Variants in DBT observed in about 807,000 individuals in gnomAD.
DBT encodes lipoamide acyltransferase component of branched-chain alpha-keto acid dehydrogenase complex, mitochondrial.
DBT carries 40 observed loss-of-function variants against 51.3 expected under a neutral mutation model. The ratio of observed to expected loss-of-function variants is 0.78; its 90% CI spans 0.61 to 1.02. The LOEUF (loss-of-function observed/expected upper bound fraction) is 1.02, where lower values mean the gene tolerates loss of function less well. DBT is among the 50% of genes least tolerant of loss of function. The pLI, the probability that DBT is intolerant of heterozygous loss-of-function variation, is 0.00. For synonymous variants in DBT, 181 were observed against 190.4 expected (o/e 0.95, Z 0.41); for missense variants, 510 against 580.2 (o/e 0.88, Z 1.24).
chr1:100,218,799 A>T, intron 4 of DBT, 52 bp from the exon 5 acceptor site: 2 of 1,289,660 alleles, frequency 1.6e-6, no homozygotes, highest in Non-Finnish European at 2.2e-6. Context: ...TTTTTTTTTT[A>T]CTAAGATGTA....
rs1184322880 is a variant in DBT, at chr1:100,214,865, A to C, written c.891T>G (p.Ile297Met). 2 of 1,614,076 alleles carry C rather than the reference A, an allele frequency of 1.2e-6. No individual in the cohort carries two copies. Among genetic ancestry groups the C allele is most frequent in the East Asian group, 2.2e-5 (1 of 44,896 alleles). The change falls in exon 7 of 11, where the codon ATT becomes ATG. Residue 297 changes from isoleucine to methionine, a missense_variant. Physicochemically the swap from Ile to Met is conservative, Grantham distance 10 (BLOSUM62 1). Transcript: ENST00000370132. ...LVKLREELKP[I>M]AFARGIKLSF... is the part of the protein sequence containing the mutation. ...AGAGTTTAATTCCACGAGCAAATGC[A>C]ATGGGTTTTAATTCTTCTCGGAGCT... is the stretch of plus-strand genomic sequence containing the variant.
In DBT at chr1:100,206,309, T is replaced by TA. The variant is rs201755806; in HGVS notation, c.1210-9_1210-8insT. 0.017 allele frequency: 24,086 copies of TA among 1,394,356 alleles called. 11 individuals carry two copies. The highest frequency in any genetic ancestry group is 0.02 in the Non-Finnish European group (19,924 of 1,006,322). 86.4% of individuals were successfully genotyped at this position (1,394,356 alleles called of 1,614,324 possible). ...GGCAAAGGTACCACCAATCTATTTT[T>TA]TAAAAAAAAAAAAAGGAGAGTATTA... On this transcript the variant is annotated splice_polypyrimidine_tract_variant and intron_variant, in intron 9 of 10. Transcript: ENST00000370132.
chr1:100,245,825 GC>G (rs1302964967), intron 1 of DBT, among the ~76,000 whole-genome samples: 8 of 152,234 alleles, frequency 5.3e-5, no homozygotes, highest in African/African-American at 1.9e-4. Flanking sequence ...GGTGGTGAAT[GC>G]CTGTAGTCCC....
In DBT at chr1:100,194,845, CCT is replaced by C. The variant is rs1358571416; in HGVS notation, c.*1408_*1409del. ...AAAAACCAAGTAGATATTAAAACAA[CCT>C]TTTTTCTGTCACAAAACTTCACTTA... On this transcript the variant is annotated 3_prime_UTR_variant, in exon 11 of 11. Transcript: ENST00000370132. 1 of 152,158 alleles carries C rather than the reference CCT, an allele frequency of 6.6e-6. No homozygotes were observed. The highest frequency in any genetic ancestry group is 2.4e-5 in the African/African-American group (1 of 41,448). The allele number at this position is 152,158 out of a possible 1,614,324, so 9.4% of individuals were successfully genotyped here. A position where few individuals can be genotyped will look rare whatever the true frequency, so the allele number is the denominator to read the frequency against.
chr1:100,237,312 A>G (rs1663931431), intron 2 of DBT, among the ~76,000 whole-genome samples: 1 of 152,152 alleles, frequency 6.6e-6, no homozygotes, highest in Non-Finnish European at 1.5e-5. Flanking sequence ...TCCAGCCCAT[A>G]TGATCCTCTA....
At chr1:100,229,894 C>T (rs967798922) in intron 4 of DBT, among the ~76,000 whole-genome samples, 3 of 152,236 alleles carry the variant, frequency 2.0e-5, no homozygotes, top group Admixed American at 2.0e-4. Flanking sequence ...ATGATGAATT[C>T]CCTTTTGACA....
Position 100,196,404 on chromosome 1 carries a change from G to A in DBT, c.1300C>T (p.Gln434Ter). Residue 434 changes from glutamine to a stop codon, truncating the protein, a stop_gained, in exon 11 of 11, where the codon CAG becomes TAG. Coordinates refer to ENST00000370132, the MANE Select transcript of DBT (RefSeq NM_001918.5). LOFTEE classifies it high-confidence loss of function. The stretch of plus-strand genomic sequence containing the variant: ...TGTGCCTTATATACTTCTCCTTTCT[G>A]GTTAAATCGGGGAATGGCCTAGAAA... Reference protein sequence around the residue: ...GSIKAIPRFNQKGEVYKAQIM... With the variant: ...GSIKAIPRFN The A allele has an allele frequency of 1.2e-6, 1 of 806,750 alleles. No individual in the cohort carries two copies. The highest frequency in any genetic ancestry group is 3.0e-4 in the Middle Eastern group (1 of 3,382). The allele number at this position is 806,750 out of a possible 1,614,324, so 50.0% of individuals were successfully genotyped here.
At chr1:100,237,021 A>C (rs1663905675) in intron 2 of DBT, among the ~76,000 whole-genome samples, 1 of 152,188 alleles carries the variant, frequency 6.6e-6, no homozygotes, top group South Asian at 2.1e-4. Context: ...TCCCATCAGG[A>C]GGCCGAGTCT....
chr1:100,245,045 T>C lies in DBT; in HGVS notation c.52-4161A>G, dbSNP rs955482831. On this transcript the variant is annotated intron_variant, in intron 1 of 10. Coordinates refer to ENST00000370132, the MANE Select transcript of DBT (RefSeq NM_001918.5). Reference sequence around the variant, plus strand: ...AAACACTGTGAAGTTGCTGAATAGATGGATTAACAGGCAACAGGAAAGAGG... The same window carrying C: ...AAACACTGTGAAGTTGCTGAATAGACGGATTAACAGGCAACAGGAAAGAGG... Among the ~76,000 whole-genome samples the C allele has an allele frequency of 8.5e-5, 13 of 152,098 alleles. No homozygotes were observed. In the East Asian group the frequency reaches 2.3e-3, roughly 27 times the overall value.
In DBT at chr1:100,216,004, C is replaced by A. The variant is rs201208745; in HGVS notation, c.751G>T (p.Asp251Tyr). Residue 251 changes from aspartate (D) to tyrosine (Y), a missense_variant, in exon 6 of 11, where the codon GAC becomes TAC. By Grantham distance (160) the Asp-to-Tyr change is radical. Coordinates refer to ENST00000370132, the MANE Select transcript of DBT (RefSeq NM_001918.5). ...VSKPPVFTGK[D>Y]KTEPIKGFQK... The stretch of plus-strand genomic sequence containing the variant: ...TTACCTTTTATGGGTTCTGTTTTGT[C>A]TTTGCCTGTGAATACCGGAGGTTTT... The A allele has an allele frequency of 2.5e-6, 4 of 1,602,526 alleles. No individual in the cohort carries two copies. The African/African-American group carries it at 5.4e-5, about 21-fold the overall frequency.
chr1:100,194,239 C>T lies in DBT; in HGVS notation c.*2016G>A, dbSNP rs1660957871. On this transcript the variant is annotated 3_prime_UTR_variant, in exon 11 of 11. Coordinates refer to ENST00000370132, the MANE Select transcript of DBT (RefSeq NM_001918.5). ...CTGGAGGATAGTGGCACAATGACAG[C>T]TCACTACAGCTTTGAACTCCTGGGC... 2.0e-5 allele frequency: 3 copies of T among 152,118 alleles called. No individual in the cohort carries two copies. The South Asian group carries it at 6.2e-4, about 31-fold the overall frequency. 9.4% of individuals were successfully genotyped at this position (152,118 alleles called of 1,614,324 possible). A position where few individuals can be genotyped will look rare whatever the true frequency, so the allele number is the denominator to read the frequency against.
At position 100,189,985 on chromosome 1, in the gene DBT, T is replaced by C. The variant is rs1435365769; in HGVS notation, c.*6270A>G. 1 of 152,214 alleles carries C rather than the reference T, an allele frequency of 6.6e-6. No homozygotes were observed. The highest frequency in any genetic ancestry group is 1.5e-5 in the Non-Finnish European group (1 of 68,048). The allele number at this position is 152,214 out of a possible 1,614,324, so 9.4% of individuals were successfully genotyped here. Reference sequence around the variant, plus strand: ...GGCTACTGAGCAATTGAAATGTGGCTAGTATATCTGAGTTGAATTTTGATT... The same window carrying C: ...GGCTACTGAGCAATTGAAATGTGGCCAGTATATCTGAGTTGAATTTTGATT... On this transcript the variant is annotated 3_prime_UTR_variant, in exon 11 of 11. Transcript: ENST00000370132.
At chr1:100,201,873 C>T (rs1661455779) in intron 10 of DBT, among the ~76,000 whole-genome samples, 2 of 152,100 alleles carry the variant, frequency 1.3e-5, no homozygotes, top group South Asian at 4.1e-4. Flanking sequence ...TTTGTCACCA[C>T]CAGGCCTGCC....
In DBT at chr1:100,221,896, A is replaced by G. The variant is rs1321418895; in HGVS notation, c.434-3149T>C. On this transcript the variant is annotated intron_variant, in intron 4 of 10. Coordinates refer to ENST00000370132, the MANE Select transcript of DBT (RefSeq NM_001918.5). ...TTAGGTATTTCTAAGAATAACATTA[A>G]GTAATCCCCTTAATTCACTCAGCTA... 7.2e-5 allele frequency among the ~76,000 whole-genome samples: 11 copies of G among 152,356 alleles called. No homozygotes were observed. In the East Asian group the frequency reaches 2.1e-3, roughly 29 times the overall value.
chr1:100,231,144 C>T (rs1229720772), intron 3 of DBT, among the ~76,000 whole-genome samples: 2 of 152,026 alleles, frequency 1.3e-5, no homozygotes, highest in Non-Finnish European at 2.9e-5. Context: ...GTCTATAATC[C>T]AAAAATTTAA....
At chr1:100,200,813 G>T (rs1055745178) in intron 10 of DBT, among the ~76,000 whole-genome samples, 1 of 152,180 alleles carries the variant, frequency 6.6e-6, no homozygotes. Flanking sequence ...TGCAGAAGAG[G>T]GGCCTGACTG....
chr1:100,236,186 C>T (rs1663860989), intron 2 of DBT, among the ~76,000 whole-genome samples: 1 of 151,958 alleles, frequency 6.6e-6, no homozygotes, highest in South Asian at 2.1e-4. Context: ...CAGCCTCAAA[C>T]TCCTGGGCTC....
chr1:100,236,911 TAA>T (rs1385201780), intron 2 of DBT, among the ~76,000 whole-genome samples: 1 of 152,202 alleles, frequency 6.6e-6, no homozygotes, highest in Non-Finnish European at 1.5e-5. Flanking sequence ...AGCCCAGACT[TAA>T]AAGACTTTGT....
chr1:100,202,896 AACGTACCAGAATCTCTGGAAC>A (rs2100773284), intron 10 of DBT, among the ~76,000 whole-genome samples: 1 of 152,360 alleles, frequency 6.6e-6, no homozygotes, highest in Non-Finnish European at 1.5e-5. Flanking sequence ...ACAAAGACAC[AACGTACCAGAATCTCTGGAAC>A]ACAGCTAAAG....
Sources: allele counts gnomAD v4.1 joint callset (sites outside exome capture counted in the v4.1 genomes callset), GRCh38; gene constraint gnomAD v4.1.1; transcripts MANE v1.5; gene names NCBI Gene and HGNC (gene_info 2026-07-23, HGNC 2026-07-21).